The following ATP2B1 variants were observed in gnomAD, a reference collection of about 807,000 sequenced individuals.
ATP2B1 encodes the protein plasma membrane calcium-transporting ATPase 1.
A neutral mutation model predicts 124.2 loss-of-function variants in ATP2B1; 14 were observed. That is an observed-to-expected ratio of 0.11 (90% CI 0.07 to 0.18). The LOEUF (loss-of-function observed/expected upper bound fraction) is 0.18, where lower values mean the gene tolerates loss of function less well. Ranked by LOEUF, ATP2B1 falls within the 10% of genes least tolerant of loss-of-function variation. The pLI is 1.00. For synonymous variants in ATP2B1, 449 were observed against 492.4 expected (o/e 0.91, Z 1.17); for missense variants, 763 against 1,466.1 (o/e 0.52, Z 7.83).
intron 1 of ATP2B1, among the ~76,000 whole-genome samples, chr12:89,685,221 G>C (rs1377827849): frequency 6.6e-6 from 1 of 151,982 alleles, no homozygotes; most frequent in African/African-American, 2.4e-5. Context: ...ATAAAGCCTA[G>C]AGTCATTTTT....
intron 1 of ATP2B1, 115 bp downstream of exon 1, chr12:89,708,481 A>G (rs1892793754): frequency 6.6e-6 from 1 of 151,564 alleles, no homozygotes; most frequent in Non-Finnish European, 1.5e-5. Flanking sequence ...CCCGCTGCGC[A>G]CCCAGCTATC....
At chr12:89,649,354 T>C (rs1392456568) in intron 2 of ATP2B1, among the ~76,000 whole-genome samples, 5 of 152,270 alleles carry the variant, frequency 3.3e-5, no homozygotes, top group African/African-American at 1.2e-4. Context: ...CATCGCCCTT[T>C]GTATCAGTGT....
At chr12:89,623,307 C>G (rs1158686205) in intron 9 of ATP2B1, among the ~76,000 whole-genome samples, 1 of 148,044 alleles carries the variant, frequency 6.8e-6, no homozygotes, top group African/African-American at 2.5e-5. Context: ...TTTTTACCTG[C>G]AAGATCATTT....
intron 20 of ATP2B1, among the ~76,000 whole-genome samples, chr12:89,597,538 G>T (rs2854373): frequency 3.3e-5 from 5 of 151,922 alleles, no homozygotes; most frequent in South Asian, 4.1e-4. Flanking sequence ...GGAAAAAACA[G>T]GCATTAAGTG....
In ATP2B1 at chr12:89,591,299, T is replaced by G. The variant is rs181715279; in HGVS notation, c.3352-4A>C. 2.6e-4 allele frequency: 410 copies of G among 1,599,834 alleles called. No homozygotes were observed. Among genetic ancestry groups the G allele is most frequent in the Non-Finnish European group, 3.3e-4 (386 of 1,172,512 alleles). ...GAAATGCATTCACCACTCGAATCTG[T>G]AAATATCAGAAAATACAGAAATATG... On this transcript the variant is annotated splice_region_variant and splice_polypyrimidine_tract_variant and intron_variant, in intron 20 of 20. Coordinates refer to ENST00000428670, the MANE Select transcript of ATP2B1 (RefSeq NM_001366521.1).
chr12:89,595,259 A>G (rs931971637), intron 20 of ATP2B1, among the ~76,000 whole-genome samples: 1 of 152,084 alleles, frequency 6.6e-6, no homozygotes, highest in Admixed American at 6.6e-5. Flanking sequence ...ACAACAGGCT[A>G]GATTTGGCCC....
upstream of ATP2B1, chr12:89,709,231 G>A (rs1892927516): frequency 6.6e-6 from 1 of 151,298 alleles, no homozygotes; most frequent in Non-Finnish European, 1.5e-5. Context: ...GTTCCGGTCT[G>A]GCGCTCCCTT....
intron 1 of ATP2B1, among the ~76,000 whole-genome samples, chr12:89,684,759 G>A (rs149573634): frequency 6.6e-6 from 1 of 152,152 alleles, no homozygotes; most frequent in Non-Finnish European, 1.5e-5. Flanking sequence ...ATTGGACAGC[G>A]GAGAGAAACT....
intron 1 of ATP2B1, among the ~76,000 whole-genome samples, chr12:89,696,704 G>C (rs1891176974): frequency 6.6e-6 from 1 of 152,092 alleles, no homozygotes; most frequent in Non-Finnish European, 1.5e-5. Flanking sequence ...CTGGTAAAAA[G>C]GTTATGTAAG....
chr12:89,644,081 C>T (rs1884065051), intron 2 of ATP2B1, among the ~76,000 whole-genome samples: 1 of 152,034 alleles, frequency 6.6e-6, no homozygotes. Flanking sequence ...ACGATCACAC[C>T]ACTGAACTCC....
chr12:89,675,634 A>G (rs1381622669), intron 1 of ATP2B1, among the ~76,000 whole-genome samples: 1 of 152,186 alleles, frequency 6.6e-6, no homozygotes, highest in East Asian at 1.9e-4. Flanking sequence ...TATTGCTGTC[A>G]TATAACTTAC....
chr12:89,649,668 T>C (rs984042857), intron 2 of ATP2B1, among the ~76,000 whole-genome samples: 1 of 152,210 alleles, frequency 6.6e-6, no homozygotes, highest in East Asian at 1.9e-4. Flanking sequence ...CATGATTGTA[T>C]TTTGAAATGT....
At chr12:89,705,882 G>C (rs1374414513) in intron 1 of ATP2B1, among the ~76,000 whole-genome samples, 1 of 152,148 alleles carries the variant, frequency 6.6e-6, no homozygotes, top group African/African-American at 2.4e-5. Flanking sequence ...TAGAGAAATT[G>C]CAAGTGTTGA....
chr12:89,679,782 C>T (rs7960170), intron 1 of ATP2B1, among the ~76,000 whole-genome samples: 2,014 of 152,168 alleles, frequency 0.013, 38 homozygotes, highest in African/African-American at 0.047. Context: ...AAAAGAAAGT[C>T]CAACACACAC....
intron 6 of ATP2B1, among the ~76,000 whole-genome samples, chr12:89,628,799 G>C (rs1441516596): frequency 6.6e-6 from 1 of 152,154 alleles, no homozygotes; most frequent in Non-Finnish European, 1.5e-5. Flanking sequence ...AGATTGATGA[G>C]GAGATAGTAA....
intron 1 of ATP2B1, among the ~76,000 whole-genome samples, chr12:89,679,716 A>G (rs750470645): frequency 3.3e-5 from 5 of 152,192 alleles, no homozygotes; most frequent in African/African-American, 4.8e-5. Flanking sequence ...ACTCTATGAC[A>G]AAAGAGAAAA....
At chr12:89,601,071 C>T (rs1018785124) in intron 19 of ATP2B1, among the ~76,000 whole-genome samples, 1 of 151,926 alleles carries the variant, frequency 6.6e-6, no homozygotes, top group Non-Finnish European at 1.5e-5. Context: ...AAAACCGCTA[C>T]AAAACTTCTA....
At chr12:89,684,593 T>C (rs992922006) in intron 1 of ATP2B1, among the ~76,000 whole-genome samples, 2 of 152,302 alleles carry the variant, frequency 1.3e-5, no homozygotes, top group African/African-American at 4.8e-5. Flanking sequence ...TCAGACTACA[T>C]AACAAATTAG....
intron 1 of ATP2B1, among the ~76,000 whole-genome samples, chr12:89,693,333 T>C (rs1890748805): frequency 2.6e-5 from 4 of 152,314 alleles, no homozygotes; most frequent in South Asian, 4.1e-4. Flanking sequence ...GAAGTAACCA[T>C]TGTGACAGGA....
Sources: gnomAD v4.1 joint callset for allele counts (sites outside exome capture counted in the v4.1 genomes callset) on GRCh38, gnomAD v4.1.1 for gene constraint, MANE v1.5 for transcripts, NCBI Gene and HGNC (gene_info 2026-07-23, HGNC 2026-07-21) for gene names.